The following CLYBL variants were observed in gnomAD, a reference collection of about 807,000 sequenced individuals.
The protein encoded by CLYBL is citramalyl-CoA lyase, also known as citramalyl-CoA lyase, mitochondrial.
Under a neutral mutation model 38.9 loss-of-function variants are expected in CLYBL, and 31 were observed. The ratio of observed to expected loss-of-function variants is 0.80; its 90% CI spans 0.60 to 1.08. CLYBL has a LOEUF of 1.08. CLYBL is among the 50% of genes least tolerant of loss of function. The pLI is 0.00. For synonymous variants in CLYBL, 171 were observed against 158.6 expected (o/e 1.08, Z -0.59); for missense variants, 434 against 411.6 (o/e 1.05, Z -0.47).
chr13:99,786,347 C>A (rs1215070622), intron 2 of CLYBL, among the ~76,000 whole-genome samples: 1 of 151,966 alleles, frequency 6.6e-6, no homozygotes, highest in African/African-American at 2.4e-5. Flanking sequence ...CTAATGCTTT[C>A]CCTTCCCCCT....
intron 2 of CLYBL, among the ~76,000 whole-genome samples, chr13:99,856,800 G>A (rs1178492503): frequency 3.3e-5 from 5 of 151,602 alleles, no homozygotes; most frequent in East Asian, 2.0e-4. Context: ...CACTACACCC[G>A]GCTAATTTTT....
intron 1 of CLYBL, among the ~76,000 whole-genome samples, chr13:99,675,386 A>G (rs949130096): frequency 6.6e-6 from 1 of 152,180 alleles, no homozygotes; most frequent in Non-Finnish European, 1.5e-5. Flanking sequence ...CAGTTCACCT[A>G]TTTAAAGTAT....
At chr13:99,619,780 T>G (rs973214422) in intron 1 of CLYBL, among the ~76,000 whole-genome samples, 1 of 152,248 alleles carries the variant, frequency 6.6e-6, no homozygotes, top group African/African-American at 2.4e-5. Context: ...TTCCTGCCAG[T>G]TGACATTCCA....
chr13:99,892,554 G>A lies in CLYBL; in HGVS notation c.*136G>A, dbSNP rs2052514307. On this transcript the variant is annotated 3_prime_UTR_variant, in exon 9 of 9. Transcript: ENST00000339105. The stretch of plus-strand genomic sequence containing the variant: ...TTGTTTCTGTTCCTCATTAAATCAT[G>A]AGCTTTTGTGCCGAGACTCTGGACG... 2.6e-5 allele frequency: 4 copies of A among 152,616 alleles called. No individual in the cohort carries two copies. Among genetic ancestry groups the A allele is most frequent in the Admixed American group, 2.0e-4 (3 of 15,282 alleles). 9.5% of individuals were successfully genotyped at this position (152,616 alleles called of 1,614,324 possible).
rs1188545273 is a variant in CLYBL, at chr13:99,719,213, G to A, written c.63-53611G>A. On this transcript the variant is annotated intron_variant, in intron 1 of 8. Transcript: ENST00000339105. ...GTTACCCAGGCTGGAGTACAGTGGTGAGATCACGGCAACCTTCACCTCCTG... is the reference window on the plus strand; with the variant it reads ...GTTACCCAGGCTGGAGTACAGTGGTAAGATCACGGCAACCTTCACCTCCTG... Among the ~76,000 whole-genome samples the A allele has an allele frequency of 4.0e-5, 6 of 148,302 alleles. No homozygotes were observed. In the Admixed American group the frequency reaches 4.1e-4, roughly 10 times the overall value.
At chr13:99,664,337 A>G (rs1316106883) in intron 1 of CLYBL, among the ~76,000 whole-genome samples, 1 of 152,260 alleles carries the variant, frequency 6.6e-6, no homozygotes, top group Non-Finnish European at 1.5e-5. Context: ...TTGTTTTCAA[A>G]TCTTTGTAAT....
rs574896894 is a variant in CLYBL, at chr13:99,794,190, G to A, written c.249+21180G>A. Among the ~76,000 whole-genome samples, 12 of 152,276 alleles carry A rather than the reference G, an allele frequency of 7.9e-5. No individual in the cohort carries two copies. In the East Asian group the frequency reaches 2.3e-3, roughly 29 times the overall value. On this transcript the variant is annotated intron_variant, in intron 2 of 8. Coordinates refer to ENST00000339105, the MANE Select transcript of CLYBL (RefSeq NM_206808.5). ...AATCCCAGCACTTTGGGAGGCCGAG[G>A]CAGGCAGATCACCTGAGGTCAGGAG...
intron 1 of CLYBL, among the ~76,000 whole-genome samples, chr13:99,716,004 A>G (rs2048305731): frequency 6.6e-6 from 1 of 152,110 alleles, no homozygotes; most frequent in Admixed American, 6.6e-5. Flanking sequence ...GTTATTTAGC[A>G]AACTTTTTAA....
intron 1 of CLYBL, among the ~76,000 whole-genome samples, chr13:99,730,750 TA>T (rs2048574390): frequency 2.0e-5 from 3 of 152,094 alleles, no homozygotes; most frequent in Admixed American, 2.0e-4. Context: ...ACCATCCTGC[TA>T]AACACACGGA....
intron 1 of CLYBL, among the ~76,000 whole-genome samples, chr13:99,732,516 G>C (rs1594146842): frequency 6.6e-6 from 1 of 152,116 alleles, no homozygotes; most frequent in South Asian, 2.1e-4. Context: ...TGGTTTCGGA[G>C]AGAAATCAGT....
chr13:99,712,097 C>G (rs566014650), intron 1 of CLYBL, among the ~76,000 whole-genome samples: 1 of 152,294 alleles, frequency 6.6e-6, no homozygotes, highest in Non-Finnish European at 1.5e-5. Flanking sequence ...TTTGATCACA[C>G]TGGGAATGAA....
intron 2 of CLYBL, among the ~76,000 whole-genome samples, chr13:99,815,155 G>T (rs1328896864): frequency 6.6e-6 from 1 of 152,190 alleles, no homozygotes; most frequent in Non-Finnish European, 1.5e-5. Flanking sequence ...CAGGACAAAG[G>T]ATCCCTCCGT....
At chr13:99,845,169 G>A (rs186008589) in intron 2 of CLYBL, among the ~76,000 whole-genome samples, 20 of 152,226 alleles carry the variant, frequency 1.3e-4, no homozygotes, top group Admixed American at 5.9e-4. Context: ...TCTTCATCTC[G>A]CATGAAGGAT....
intron 1 of CLYBL, among the ~76,000 whole-genome samples, chr13:99,675,014 C>T (rs1269301876): frequency 6.6e-6 from 1 of 152,132 alleles, no homozygotes; most frequent in Non-Finnish European, 1.5e-5. Flanking sequence ...TGCTGCATTC[C>T]AGTCTGGGCA....
At chr13:99,805,878 G>A (rs1054316009) in intron 2 of CLYBL, among the ~76,000 whole-genome samples, 3 of 152,040 alleles carry the variant, frequency 2.0e-5, no homozygotes, top group Non-Finnish European at 4.4e-5. Context: ...ACATGGTTGC[G>A]TTGTTGTCAT....
chr13:99,899,545 A>G (rs575996755), downstream of CLYBL, among the ~76,000 whole-genome samples: 1 of 152,130 alleles, frequency 6.6e-6, no homozygotes, highest in Admixed American at 6.6e-5. Context: ...TTACTGTTTA[A>G]TGGGTACTGA....
At chr13:99,823,924 C>G (rs1273146803) in intron 2 of CLYBL, among the ~76,000 whole-genome samples, 1 of 152,174 alleles carries the variant, frequency 6.6e-6, no homozygotes, top group Non-Finnish European at 1.5e-5. Context: ...TGCCTGATTT[C>G]TGAGTCGGGT....
intron 2 of CLYBL, among the ~76,000 whole-genome samples, chr13:99,789,037 C>T (rs1298118883): frequency 3.9e-5 from 6 of 152,092 alleles, no homozygotes; most frequent in Admixed American, 1.3e-4. Context: ...TCTGTGGGAT[C>T]GGTGGTGATA....
intron 1 of CLYBL, among the ~76,000 whole-genome samples, chr13:99,634,176 C>G (rs563007416): frequency 1.3e-5 from 2 of 152,274 alleles, no homozygotes; most frequent in African/African-American, 4.8e-5. Flanking sequence ...CAGCCGACTG[C>G]TTATCAGAAA....
Sources: gnomAD v4.1 joint callset for allele counts (sites outside exome capture counted in the v4.1 genomes callset) on GRCh38, gnomAD v4.1.1 for gene constraint, MANE v1.5 for transcripts, NCBI Gene and HGNC (gene_info 2026-07-23, HGNC 2026-07-21) for gene names.